Variants in CLASP2 observed in about 807,000 individuals in gnomAD.
CLASP2 encodes the protein cytoplasmic linker associated protein 2.
CLASP2 carries 47 observed loss-of-function variants against 194.4 expected under a neutral mutation model. The observed-to-expected ratio is 0.24, with a 90% confidence interval of 0.19 to 0.31. The LOEUF is 0.31. Ranked by LOEUF, CLASP2 falls within the 10% of genes least tolerant of loss-of-function variation. The pLI is 1.00. For missense variants in CLASP2, 1,445 were observed against 1,823.6 expected (o/e 0.79, Z 3.78); for synonymous variants, 619 against 633.5 (o/e 0.98, Z 0.34).
At chr3:33,572,069 T>TTGC (rs1309727196) in intron 25 of CLASP2, among the ~76,000 whole-genome samples, 4 of 152,230 alleles carry the variant, frequency 2.6e-5, no homozygotes, top group Non-Finnish European at 5.9e-5. Flanking sequence ...TTCTTAAATG[T>TTGC]TGCTACTGAT....
At chr3:33,704,006 T>TG (rs2092538996) in intron 1 of CLASP2, among the ~76,000 whole-genome samples, 1 of 152,246 alleles carries the variant, frequency 6.6e-6, no homozygotes, top group Admixed American at 6.5e-5. Flanking sequence ...TTCATACTGT[T>TG]GGAGTCAAAC....
chr3:33,644,533 C>A, intron 8 of CLASP2: 6 of 453,656 alleles, frequency 1.3e-5, no homozygotes, highest in African/African-American at 2.1e-5. Flanking sequence ...AAATAAATAC[C>A]CTCAAGAAGA....
In CLASP2 at chr3:33,573,313, A is replaced by T. The variant is rs1173411820; in HGVS notation, c.2496T>A (p.His832Gln). 1 of 1,613,842 alleles carries T rather than the reference A, an allele frequency of 6.2e-7. No homozygotes were observed. Among genetic ancestry groups the T allele is most frequent in the Admixed American group, 1.7e-5 (1 of 60,024 alleles). The change falls in exon 25 of 39, where the codon CAT becomes CAA. Residue 832 changes from histidine to glutamine, a missense_variant. Transcript: ENST00000682230. ...ARRRYESYGM[H>Q]SDDDANSDAS... ...CATCGCTGTTGGCGTCATCATCTGA[A>T]TGCATTCCATATGATTCATATCTTC...
At chr3:33,613,989 A>G (rs908818036) in intron 12 of CLASP2, among the ~76,000 whole-genome samples, 2 of 152,242 alleles carry the variant, frequency 1.3e-5, no homozygotes, top group African/African-American at 4.8e-5. Flanking sequence ...TCAATCAAAC[A>G]CTAAGTCAGA....
chr3:33,708,544 GTATATA>G (rs140222723), intron 1 of CLASP2, among the ~76,000 whole-genome samples: 1 of 136,990 alleles, frequency 7.3e-6, no homozygotes, highest in Non-Finnish European at 1.6e-5. Context: ...ATGTATATAT[GTATATA>G]TATATATATA....
Position 33,660,567 on chromosome 3 carries a change from G to T in CLASP2, c.715+2878C>A, listed in dbSNP as rs185614244. Among the ~76,000 whole-genome samples the T allele has an allele frequency of 7.2e-5, 11 of 152,216 alleles. No individual in the cohort carries two copies. The East Asian group carries it at 2.1e-3, about 29-fold the overall frequency. On this transcript the variant is annotated intron_variant, in intron 7 of 38. Transcript: ENST00000682230. ...AACACTCTAAATCAATATGCTGTAA[G>T]ATGTATGATGTGTCATTATTATGGT...
chr3:33,622,440 T>C (rs2077261800), intron 10 of CLASP2, among the ~76,000 whole-genome samples, 160 bp from the exon 11 acceptor site: 1 of 152,192 alleles, frequency 6.6e-6, no homozygotes, highest in Non-Finnish European at 1.5e-5. Flanking sequence ...ATTAAATGTA[T>C]CTTGTAAATA....
At chr3:33,641,492 T>C (rs1317587685) in intron 8 of CLASP2, among the ~76,000 whole-genome samples, 3 of 152,002 alleles carry the variant, frequency 2.0e-5, no homozygotes, top group African/African-American at 4.8e-5. Flanking sequence ...AGCCTTTTTT[T>C]CAAGTCTCCT....
chr3:33,655,346 T>C (rs2083961953), intron 7 of CLASP2, among the ~76,000 whole-genome samples: 1 of 152,154 alleles, frequency 6.6e-6, no homozygotes, highest in South Asian at 2.1e-4. Context: ...GTACAGTATA[T>C]TCACTTAGAT....
intron 20 of CLASP2, among the ~76,000 whole-genome samples, chr3:33,593,211 C>T (rs766134242): frequency 2.0e-5 from 3 of 152,176 alleles, no homozygotes; most frequent in Non-Finnish European, 2.9e-5. Flanking sequence ...TTCTAGGGCT[C>T]TTGAACTACA....
intron 29 of CLASP2, among the ~76,000 whole-genome samples, chr3:33,558,039 CACCCAGAGACAAATACATTT>C (rs2061252517): frequency 6.6e-6 from 1 of 152,336 alleles, no homozygotes; most frequent in Non-Finnish European, 1.5e-5. Context: ...ATCCCCCACT[CACCCAGAGACAAATACATTT>C]ACTTCTTCCT....
intron 23 of CLASP2, among the ~76,000 whole-genome samples, chr3:33,580,228 A>G (rs1411047923): frequency 1.3e-5 from 2 of 152,198 alleles, no homozygotes; most frequent in Non-Finnish European, 2.9e-5. Context: ...AAAGCCTAGT[A>G]TATTTGAGCC....
At chr3:33,528,786 C>G (rs762714783) in intron 34 of CLASP2, among the ~76,000 whole-genome samples, 18 of 150,012 alleles carry the variant, frequency 1.2e-4, no homozygotes, top group Admixed American at 2.7e-4. Context: ...AAGAAAGAAA[C>G]AAAGAAGGAA....
At chr3:33,529,293 G>A (rs1300360261) in intron 34 of CLASP2, among the ~76,000 whole-genome samples, 1 of 152,098 alleles carries the variant, frequency 6.6e-6, no homozygotes, top group African/African-American at 2.4e-5. Context: ...AACTACCAAC[G>A]ACATTCTTCA....
At chr3:33,573,592 A>G (rs888327664) in intron 24 of CLASP2, 5 of 540,198 alleles carry the variant, frequency 9.3e-6, no homozygotes, top group Non-Finnish European at 1.7e-5. Flanking sequence ...GTAAGACTAT[A>G]TGGAAGTTCA....
chr3:33,575,712 A>C (rs2064719218), intron 24 of CLASP2, among the ~76,000 whole-genome samples: 1 of 152,106 alleles, frequency 6.6e-6, no homozygotes, highest in African/African-American at 2.4e-5. Flanking sequence ...TCTAACTATA[A>C]GATATAATAT....
intron 6 of CLASP2, among the ~76,000 whole-genome samples, chr3:33,682,422 C>A (rs1022855212): frequency 6.6e-6 from 1 of 152,138 alleles, no homozygotes; most frequent in Non-Finnish European, 1.5e-5. Flanking sequence ...ACTGGATACA[C>A]ACTGATAATT....
At chr3:33,672,521 T>C (rs1235549814) in intron 6 of CLASP2, among the ~76,000 whole-genome samples, 3 of 152,040 alleles carry the variant, frequency 2.0e-5, no homozygotes, top group African/African-American at 7.2e-5. Flanking sequence ...AACTGGAAAC[T>C]CTAAAAAGCA....
intron 25 of CLASP2, among the ~76,000 whole-genome samples, chr3:33,571,227 A>G (rs2154193004): frequency 7.1e-6 from 1 of 140,004 alleles, no homozygotes; most frequent in African/African-American, 2.5e-5. Context: ...GTTAGCCAGG[A>G]TGGTCTCGAT....
Sources: allele counts gnomAD v4.1 joint callset (sites outside exome capture counted in the v4.1 genomes callset), GRCh38; gene constraint gnomAD v4.1.1; transcripts MANE v1.5; gene names NCBI Gene and HGNC (gene_info 2026-07-23, HGNC 2026-07-21).